Variants in SCFD2 observed in about 807,000 individuals in gnomAD.
SCFD2 encodes the protein sec1 family domain containing 2, also known as sec1 family domain-containing protein 2.
In SCFD2, 54 loss-of-function variants were observed where a neutral mutation model predicts 58.9. The ratio of observed to expected loss-of-function variants is 0.92; its 90% CI spans 0.74 to 1.15. SCFD2 has a LOEUF of 1.15. SCFD2 is among the 50% of genes most tolerant of loss of function. The pLI is 0.00. For missense variants in SCFD2, 805 were observed against 836.6 expected, an observed-to-expected ratio of 0.96 and a Z score of 0.47; for synonymous variants, 321 against 335.9, an observed-to-expected ratio of 0.96 and a Z score of 0.49.
chr4:53,247,724 G>C (rs1398391121), intron 4 of SCFD2, among the ~76,000 whole-genome samples: 1 of 149,692 alleles, frequency 6.7e-6, no homozygotes, highest in East Asian at 2.0e-4. Context: ...AGCCGGGCGC[G>C]GTGGCGGGCG....
chr4:53,084,662 C>T (rs548304362), intron 5 of SCFD2, among the ~76,000 whole-genome samples: 4 of 152,240 alleles, frequency 2.6e-5, no homozygotes, highest in East Asian at 1.9e-4. Context: ...CTGGTCCCTC[C>T]GTTCGGGGTC....
At chr4:53,117,576 G>A (rs368284913) in intron 5 of SCFD2, among the ~76,000 whole-genome samples, 41 of 152,108 alleles carry the variant, frequency 2.7e-4, no homozygotes, top group African/African-American at 8.2e-4. Context: ...TCTTCCTCTC[G>A]CCACCTCCTT....
intron 5 of SCFD2, among the ~76,000 whole-genome samples, chr4:52,945,286 A>G (rs1720395134): frequency 6.6e-6 from 1 of 152,134 alleles, no homozygotes; most frequent in Non-Finnish European, 1.5e-5. Flanking sequence ...TTCGTATGCT[A>G]TAAGCATTAT....
intron 3 of SCFD2, among the ~76,000 whole-genome samples, chr4:53,308,146 G>A (rs1732573805): frequency 6.6e-6 from 1 of 152,140 alleles, no homozygotes; most frequent in South Asian, 2.1e-4. Context: ...TGTGAAATGG[G>A]ACTTTTAAAA....
intron 5 of SCFD2, among the ~76,000 whole-genome samples, chr4:53,088,498 A>G (rs148238462): frequency 2.6e-5 from 4 of 152,300 alleles, no homozygotes; most frequent in African/African-American, 9.6e-5. Context: ...GATCTCATGG[A>G]GTTTGGCTTG....
chr4:53,167,163 T>G (rs1053786225), intron 4 of SCFD2, among the ~76,000 whole-genome samples: 9 of 152,212 alleles, frequency 5.9e-5, no homozygotes, highest in Admixed American at 5.9e-4. Flanking sequence ...TGTCCCTTCC[T>G]TTGTGAAGTC....
chr4:53,253,334 T>A lies in SCFD2; in HGVS notation c.1311+20492A>T, dbSNP rs573930179. 9.2e-5 allele frequency among the ~76,000 whole-genome samples: 14 copies of A among 152,226 alleles called. No homozygotes were observed. In the South Asian group the frequency reaches 2.9e-3, roughly 32 times the overall value. ...ACCATTGTGGAAGTCAGTGTGGCGATTCCTCAGGGATCTAGAACTAGAAAT... is the reference window on the plus strand; with the variant it reads ...ACCATTGTGGAAGTCAGTGTGGCGAATCCTCAGGGATCTAGAACTAGAAAT... On this transcript the variant is annotated intron_variant, in intron 4 of 8. Transcript: ENST00000401642.
intron 4 of SCFD2, among the ~76,000 whole-genome samples, chr4:53,230,956 C>T (rs1729418633): frequency 1.3e-5 from 2 of 151,998 alleles, no homozygotes; most frequent in Admixed American, 6.6e-5. Flanking sequence ...ATAGGTCAGG[C>T]ATATTCCAAG....
chr4:53,249,519 T>G (rs887048724), intron 4 of SCFD2, among the ~76,000 whole-genome samples: 1 of 151,982 alleles, frequency 6.6e-6, no homozygotes, highest in African/African-American at 2.4e-5. Flanking sequence ...TTCACAAAGT[T>G]GAAATGAAGG....
At chr4:53,326,806 G>A (rs1733212180) in intron 2 of SCFD2, among the ~76,000 whole-genome samples, 1 of 152,054 alleles carries the variant, frequency 6.6e-6, no homozygotes, top group Non-Finnish European at 1.5e-5. Context: ...ATTTTCATAG[G>A]TCCACAGGTG....
At chr4:53,236,256 C>T (rs1729604048) in intron 4 of SCFD2, among the ~76,000 whole-genome samples, 1 of 152,142 alleles carries the variant, frequency 6.6e-6, no homozygotes, top group Admixed American at 6.5e-5. Context: ...TGCCCTCGAA[C>T]ATCGAACTCT....
At chr4:52,952,723 G>A (rs1014900803) in intron 5 of SCFD2, among the ~76,000 whole-genome samples, 1 of 152,288 alleles carries the variant, frequency 6.6e-6, no homozygotes, top group East Asian at 1.9e-4. Context: ...GAACAGAAAG[G>A]TTTACAGCAT....
intron 5 of SCFD2, among the ~76,000 whole-genome samples, chr4:53,063,218 T>C (rs984166318): frequency 5.9e-5 from 9 of 152,168 alleles, no homozygotes; most frequent in Non-Finnish European, 1.0e-4. Flanking sequence ...TGTCAGACTT[T>C]ATTCAAAATT....
At chr4:53,221,630 T>C (rs1441435074) in intron 4 of SCFD2, among the ~76,000 whole-genome samples, 1 of 152,230 alleles carries the variant, frequency 6.6e-6, no homozygotes, top group East Asian at 1.9e-4. Context: ...ATTTTTAGAA[T>C]ATGATTGCTT....
At chr4:53,236,816 ATTTATT>A (rs1729630863) in intron 4 of SCFD2, among the ~76,000 whole-genome samples, 1 of 92,428 alleles carries the variant, frequency 1.1e-5, no homozygotes, top group African/African-American at 4.2e-5. Context: ...TGTTTTATTT[ATTTATT>A]TATTTATTTA....
At chr4:53,272,594 C>T (rs1731206627) in intron 4 of SCFD2, among the ~76,000 whole-genome samples, 1 of 151,684 alleles carries the variant, frequency 6.6e-6, no homozygotes, top group Non-Finnish European at 1.5e-5. Flanking sequence ...AGCAAACTAT[C>T]GCAAGGACAA....
chr4:53,075,773 T>G (rs1450215875), intron 5 of SCFD2, among the ~76,000 whole-genome samples: 2 of 152,110 alleles, frequency 1.3e-5, no homozygotes, highest in Non-Finnish European at 2.9e-5. Context: ...CAAACAATTA[T>G]AATTGTAACA....
At chr4:53,254,467 A>G (rs1412275208) in intron 4 of SCFD2, among the ~76,000 whole-genome samples, 3 of 151,768 alleles carry the variant, frequency 2.0e-5, no homozygotes, top group African/African-American at 7.3e-5. Flanking sequence ...TGAGTCAATT[A>G]AACCTTTTTT....
At position 53,205,279 on chromosome 4, in the gene SCFD2, C is replaced by T. The variant is rs185441322; in HGVS notation, c.1312-59697G>A. Among the ~76,000 whole-genome samples the T allele has an allele frequency of 5.3e-5, 8 of 152,204 alleles. No homozygotes were observed. The East Asian group carries it at 7.7e-4, about 15-fold the overall frequency. The stretch of plus-strand genomic sequence containing the variant: ...CTGAAAGCTATCATTGCCACTGTCC[C>T]ATTTACCTCTGTACCACCTTTTTTT... On this transcript the variant is annotated intron_variant, in intron 4 of 8. Transcript: ENST00000401642.
Sources: allele counts gnomAD v4.1 joint callset (sites outside exome capture counted in the v4.1 genomes callset), GRCh38; gene constraint gnomAD v4.1.1; transcripts MANE v1.5; gene names NCBI Gene and HGNC (gene_info 2026-07-23, HGNC 2026-07-21).